The following PAIP2 variants were observed in gnomAD, a reference collection of about 807,000 sequenced individuals.
PAIP2 encodes the protein poly(A) binding protein interacting protein 2.
PAIP2 carries 7 observed loss-of-function variants against 14.8 expected under a neutral mutation model. The observed-to-expected ratio is 0.47, with a 90% CI of 0.27 to 0.89. The LOEUF (loss-of-function observed/expected upper bound fraction) is 0.89, where lower values mean the gene tolerates loss of function less well. Ranked by LOEUF, PAIP2 falls within the 40% of genes least tolerant of loss-of-function variation. The pLI is 0.13. For synonymous variants in PAIP2, 47 were observed against 45.3 expected (o/e 1.04, Z -0.15); for missense variants, 122 against 154.7 (o/e 0.79, Z 1.12).
chr5:139,348,178 A>G (rs1756615342), intron 1 of PAIP2, among the ~76,000 whole-genome samples: 1 of 149,690 alleles, frequency 6.7e-6, no homozygotes, highest in African/African-American at 2.4e-5. Flanking sequence ...CGAGTGATGA[A>G]TTTATTTATT....
At chr5:139,342,235 A>C (rs976898810) in intron 1 of PAIP2, among the ~76,000 whole-genome samples, 1 of 151,526 alleles carries the variant, frequency 6.6e-6, no homozygotes, top group Non-Finnish European at 1.5e-5. Flanking sequence ...GCAGCTCTCT[A>C]TCCGGGTCCT....
At chr5:139,352,225 T>A in intron 1 of PAIP2, among the ~76,000 whole-genome samples, 1 of 151,650 alleles carries the variant, frequency 6.6e-6, no homozygotes, top group Non-Finnish European at 1.5e-5. Context: ...ATAATCACAT[T>A]TATTTTGTGA....
rs752903626 is a variant in PAIP2, at chr5:139,364,044, A to G, written c.138+122A>G. On this transcript the variant is annotated intron_variant, in intron 2 of 3. Transcript: ENST00000265192. ...AAAGTATGTAGACTGATGTGCCACC[A>G]CTCCTGTTTATTTGGCTGCTGATTA... 9.1e-5 allele frequency: 71 copies of G among 783,406 alleles called. 1 individual carries two copies. The highest frequency in any genetic ancestry group is 3.7e-4 in the Middle Eastern group (1 of 2,704). 48.5% of individuals were successfully genotyped at this position (783,406 alleles called of 1,614,324 possible).
intron 2 of PAIP2, among the ~76,000 whole-genome samples, chr5:139,364,296 G>GA (rs1323833573): frequency 6.6e-6 from 1 of 152,058 alleles, no homozygotes; most frequent in Non-Finnish European, 1.5e-5. Context: ...GACAGGCACA[G>GA]AAAAAAGAGA....
At chr5:139,353,234 G>A (rs571014914) in intron 1 of PAIP2, among the ~76,000 whole-genome samples, 16 of 151,772 alleles carry the variant, frequency 1.1e-4, no homozygotes, top group Non-Finnish European at 2.2e-4. Context: ...GTCTGTTTTC[G>A]GTCCTTAAAA....
chr5:139,362,289 C>T (rs572250273), intron 1 of PAIP2, among the ~76,000 whole-genome samples: 5 of 151,598 alleles, frequency 3.3e-5, no homozygotes, highest in East Asian at 1.9e-4. Context: ...GGTGCAGTCT[C>T]GGCTCACTGT....
chr5:139,349,676 T>G (rs897949389), intron 1 of PAIP2, among the ~76,000 whole-genome samples: 1 of 152,170 alleles, frequency 6.6e-6, no homozygotes, highest in East Asian at 1.9e-4. Flanking sequence ...GAAATTATTA[T>G]GAAAGACATA....
chr5:139,348,660 C>T (rs1756632373), intron 1 of PAIP2, among the ~76,000 whole-genome samples: 1 of 141,682 alleles, frequency 7.1e-6, no homozygotes. Context: ...CCTGGCCACG[C>T]CCAGCTAATC....
intron 1 of PAIP2, among the ~76,000 whole-genome samples, chr5:139,350,017 A>G (rs1197022992): frequency 6.6e-6 from 1 of 151,690 alleles, no homozygotes; most frequent in Admixed American, 6.6e-5. Flanking sequence ...TAAAAATAAG[A>G]AATAAAAGTT....
intron 1 of PAIP2, among the ~76,000 whole-genome samples, chr5:139,362,567 C>T (rs996975456): frequency 3.9e-5 from 6 of 151,934 alleles, no homozygotes; most frequent in East Asian, 3.9e-4. Context: ...TGTGCCACCA[C>T]GCCCGGCTAA....
At chr5:139,360,105 T>C (rs1373549566) in intron 1 of PAIP2, among the ~76,000 whole-genome samples, 1 of 151,746 alleles carries the variant, frequency 6.6e-6, no homozygotes, top group East Asian at 2.0e-4. Context: ...TAGCTGGGAC[T>C]ACAGGTGCGT....
intron 1 of PAIP2, among the ~76,000 whole-genome samples, chr5:139,348,488 G>T (rs1390322683): frequency 2.0e-5 from 3 of 151,760 alleles, no homozygotes; most frequent in Admixed American, 2.0e-4. Flanking sequence ...CTGAGTAGCT[G>T]GGACTACAGG....
intron 3 of PAIP2, 126 bp from the exon 4 acceptor site, chr5:139,368,607 A>G: frequency 1.5e-6 from 1 of 658,112 alleles, no homozygotes; most frequent in Non-Finnish European, 2.7e-6. Context: ...GGGGTTTAGT[A>G]TAGTCTTACA....
chr5:139,363,921 A>G lies in PAIP2; in HGVS notation c.137A>G (p.Gln46Arg). 1 of 1,613,432 alleles carries G rather than the reference A, an allele frequency of 6.2e-7. No individual in the cohort carries two copies. Among genetic ancestry groups the G allele is most frequent in the Non-Finnish European group, 8.5e-7 (1 of 1,179,546 alleles). The change falls in exon 2 of 4, where the codon CAA becomes CGA. Residue 46 changes from glutamine (Q) to arginine (R), a missense_variant and splice_region_variant. Around this residue, in one of 3 missense-constraint regions of PAIP2, gnomAD observed 34 missense variants for 74.0 expected, o/e 0.46. Transcript: ENST00000265192. ...GAAAATGAAGAAGAATTCAACAGACAAGTTAGTTTTTTGTACAAACATGTT... is the reference window on the plus strand; with the variant it reads ...GAAAATGAAGAAGAATTCAACAGACGAGTTAGTTTTTTGTACAAACATGTT... ...WMENEEEFNR[Q>R]IEEELWEEEF...
intron 1 of PAIP2, among the ~76,000 whole-genome samples, chr5:139,362,819 C>T (rs775378472): frequency 2.0e-5 from 3 of 152,136 alleles, no homozygotes; most frequent in Admixed American, 6.5e-5. Flanking sequence ...GGATTATAGG[C>T]ATGAGCCACT....
At chr5:139,358,484 A>T (rs1756982112) in intron 1 of PAIP2, among the ~76,000 whole-genome samples, 1 of 152,216 alleles carries the variant, frequency 6.6e-6, no homozygotes, top group Non-Finnish European at 1.5e-5. Context: ...GAAAATGTAT[A>T]GCTAAAAGAC....
Position 139,364,716 on chromosome 5 carries a change from T to C in PAIP2, c.291T>C (p.Ser97=). The C allele has an allele frequency of 6.2e-7, 1 of 1,609,150 alleles. No individual in the cohort carries two copies. The highest frequency in any genetic ancestry group is 1.1e-5 in the South Asian group (1 of 89,866). ...ACCAGTTTAATGACCTTGTTATCAG[T>C]GATGGCTCTTCTCTGGAAGATCTTG... is the stretch of plus-strand genomic sequence containing the variant. ...IQDQFNDLVI[S]DGSSLEDLVV... The change falls in exon 3 of 4, where the codon AGT becomes AGC. Residue 97 remains serine (S), a synonymous_variant. Transcript: ENST00000265192.
In PAIP2 at chr5:139,364,601, G is replaced by A. The variant is rs925613191; in HGVS notation, c.176G>A (p.Arg59His). The A allele has an allele frequency of 6.2e-7, 1 of 1,607,968 alleles. No homozygotes were observed. Among genetic ancestry groups the A allele is most frequent in the Non-Finnish European group, 8.5e-7 (1 of 1,174,724 alleles). ...TTATGGGAAGAAGAATTTATTGAAC[G>A]CTGTTTCCAAGAAATGCTGGAAGAG... is the stretch of plus-strand genomic sequence containing the variant. ...EELWEEEFIE[R>H]CFQEMLEEEE... The change falls in exon 3 of 4, where the codon CGC becomes CAC. Residue 59 changes from arginine (R) to histidine (H), a missense_variant. By Grantham distance (29) the Arg-to-His change is conservative. This residue lies in a region of PAIP2 where 34 missense variants were observed against 74.0 expected (regional missense o/e 0.46). Transcript: ENST00000265192.
intron 3 of PAIP2, chr5:139,367,063 AAAAG>A (rs781126855): frequency 2.0e-5 from 3 of 152,206 alleles, no homozygotes; most frequent in Non-Finnish European, 4.4e-5. Flanking sequence ...ATGTCTCAAA[AAAAG>A]AGAAAAGGAA....
Sources: allele counts gnomAD v4.1 joint callset (sites outside exome capture counted in the v4.1 genomes callset), GRCh38; gene constraint gnomAD v4.1.1; regional missense constraint gnomAD v4.1.1; transcripts MANE v1.5; gene names NCBI Gene and HGNC (gene_info 2026-07-23, HGNC 2026-07-21).